BCKDHB: variants seen among roughly 807,000 people sequenced by gnomAD.
BCKDHB encodes 2-oxoisovalerate dehydrogenase subunit beta, mitochondrial.
BCKDHB carries 41 observed loss-of-function variants against 48.5 expected under a neutral mutation model. The ratio of observed to expected loss-of-function variants is 0.85; its 90% CI spans 0.66 to 1.10. The LOEUF is 1.10. Ranked by LOEUF, BCKDHB falls within the 50% of genes least tolerant of loss-of-function variation. The pLI is 0.00. For missense variants in BCKDHB, 496 were observed against 494.2 expected (o/e 1.00, Z -0.03); for synonymous variants, 201 against 174.8 (o/e 1.15, Z -1.18).
Position 80,106,783 on chromosome 6 carries a change from GC to G in BCKDHB, c.91del (p.Leu31TrpfsTer41), listed in dbSNP as rs757623341. 6.3e-7 allele frequency: 1 copy of G among 1,595,646 alleles called. No homozygotes were observed. On this transcript the variant is annotated frameshift_variant, in exon 1 of 10. Coordinates refer to ENST00000320393, the MANE Select transcript of BCKDHB (RefSeq NM_183050.4). LOFTEE classifies it high-confidence loss of function. ...ACTGGCGTCGGCTTCCTGGCGCGGG[GC>G]TGGCGCGGGGCTTTTTGCACCCCGC... ...GHWRRLPGAG[L>X]ARGFLHPAAT... is the part of the protein sequence containing the mutation.
the BCKDHB span, among the ~76,000 whole-genome samples, chr6:80,391,224 G>A: frequency 7.9e-5 from 12 of 151,620 alleles, 1 homozygote; most frequent in South Asian, 2.3e-3. Context: ...TTCCTCTAGA[G>A]AACCCTAATA....
chr6:80,136,878 A>G (rs868395854), intron 3 of BCKDHB, among the ~76,000 whole-genome samples: 6 of 152,164 alleles, frequency 3.9e-5, no homozygotes, highest in African/African-American at 7.2e-5. Flanking sequence ...AACATCATCA[A>G]TTATTAGGAA....
intron 1 of BCKDHB, among the ~76,000 whole-genome samples, chr6:80,120,716 T>C (rs1769963432): frequency 6.6e-6 from 1 of 152,180 alleles, no homozygotes; most frequent in Non-Finnish European, 1.5e-5. Flanking sequence ...TTTGTTTGTC[T>C]TTTTCTTGTA....
At chr6:80,450,758 A>G in the BCKDHB span, among the ~76,000 whole-genome samples, 1 of 152,172 alleles carries the variant, frequency 6.6e-6, no homozygotes, top group Non-Finnish European at 1.5e-5. Context: ...CTTTAGCAGC[A>G]ACACACTGGC....
chr6:80,231,878 T>C (rs1235865602), intron 8 of BCKDHB, among the ~76,000 whole-genome samples: 1 of 152,080 alleles, frequency 6.6e-6, no homozygotes, highest in African/African-American at 2.4e-5. Flanking sequence ...GGCAGGAGAA[T>C]TGCTTGAACC....
At chr6:80,248,733 G>T (rs1189840115) in intron 8 of BCKDHB, among the ~76,000 whole-genome samples, 1 of 152,138 alleles carries the variant, frequency 6.6e-6, no homozygotes, top group Non-Finnish European at 1.5e-5. Flanking sequence ...CCTTAGAGAG[G>T]CTCTCACTCC....
the BCKDHB span, among the ~76,000 whole-genome samples, chr6:80,361,341 T>C: frequency 1.4e-3 from 216 of 152,278 alleles, no homozygotes; most frequent in African/African-American, 5.1e-3. Flanking sequence ...TGCTCTTCCA[T>C]TGGGACAGAG....
intron 9 of BCKDHB, among the ~76,000 whole-genome samples, chr6:80,283,594 A>G (rs1766480338): frequency 6.6e-6 from 1 of 152,086 alleles, no homozygotes; most frequent in Non-Finnish European, 1.5e-5. Flanking sequence ...TCTCTGAAGG[A>G]AAGCATTACT....
intron 8 of BCKDHB, among the ~76,000 whole-genome samples, chr6:80,208,331 T>A (rs1774764239): frequency 6.6e-6 from 1 of 151,722 alleles, no homozygotes; most frequent in South Asian, 2.1e-4. Flanking sequence ...GCTTAAGCCA[T>A]GCTCAGAGGA....
chr6:80,260,476 T>A (rs1336008752), intron 8 of BCKDHB, among the ~76,000 whole-genome samples: 2 of 152,016 alleles, frequency 1.3e-5, no homozygotes, highest in Non-Finnish European at 1.5e-5. Flanking sequence ...GCCCTAGGAG[T>A]GCTTCAGAAG....
At chr6:80,408,802 TC>T in the BCKDHB span, among the ~76,000 whole-genome samples, 97 of 22,462 alleles carry the variant, frequency 4.3e-3, no homozygotes, top group Non-Finnish European at 0.015. Flanking sequence ...CTTTTTTTTT[TC>T]AAAAAAAAAA....
At chr6:80,284,189 G>T (rs531909291) in intron 9 of BCKDHB, among the ~76,000 whole-genome samples, 1 of 152,152 alleles carries the variant, frequency 6.6e-6, no homozygotes, top group African/African-American at 2.4e-5. Flanking sequence ...TGAGTTCACA[G>T]CTCACTAAAA....
chr6:80,335,816 G>A (rs926106237), intron 9 of BCKDHB, among the ~76,000 whole-genome samples: 20 of 152,034 alleles, frequency 1.3e-4, no homozygotes, highest in African/African-American at 4.8e-4. Flanking sequence ...GAATTTGAAA[G>A]CAGAAACAAG....
At chr6:80,290,146 G>C (rs1766838819) in intron 9 of BCKDHB, among the ~76,000 whole-genome samples, 1 of 152,194 alleles carries the variant, frequency 6.6e-6, no homozygotes, top group Non-Finnish European at 1.5e-5. Context: ...GGCTGTCCCA[G>C]TGCCCCCAGG....
At chr6:80,278,167 A>G (rs1778044059) in intron 9 of BCKDHB, among the ~76,000 whole-genome samples, 1 of 152,226 alleles carries the variant, frequency 6.6e-6, no homozygotes, top group African/African-American at 2.4e-5. Flanking sequence ...CTGCAATTTT[A>G]TAATCTCAGT....
the BCKDHB span, among the ~76,000 whole-genome samples, chr6:80,406,511 G>A: frequency 6.6e-6 from 1 of 152,142 alleles, no homozygotes; most frequent in Non-Finnish European, 1.5e-5. Context: ...ATCCTCTCCA[G>A]CATCTGTTGT....
chr6:80,115,094 C>T (rs1769615642), intron 1 of BCKDHB, among the ~76,000 whole-genome samples: 2 of 152,004 alleles, frequency 1.3e-5, no homozygotes, highest in South Asian at 4.1e-4. Flanking sequence ...ATATGTGATA[C>T]ACACTGGTAC....
chr6:80,135,473 G>A (rs931207300), intron 3 of BCKDHB, among the ~76,000 whole-genome samples: 3 of 152,008 alleles, frequency 2.0e-5, no homozygotes, highest in Admixed American at 6.6e-5. Context: ...TAATAAGTTG[G>A]TGTAAATCTG....
chr6:80,232,860 GAAATCCAAGACAA>G (rs1435996396), intron 8 of BCKDHB, among the ~76,000 whole-genome samples: 1 of 151,432 alleles, frequency 6.6e-6, no homozygotes, highest in East Asian at 1.9e-4. Context: ...AAAAATAACA[GAAATCCAAGACAA>G]AAATTGCTTG....
Sources: gnomAD v4.1 joint callset for allele counts (sites outside exome capture counted in the v4.1 genomes callset) on GRCh38, gnomAD v4.1.1 for gene constraint, MANE v1.5 for transcripts, NCBI Gene and HGNC (gene_info 2026-07-23, HGNC 2026-07-21) for gene names.